FBLN5: variants seen among roughly 807,000 people sequenced by gnomAD.
FBLN5 encodes fibulin-5.
FBLN5 carries 24 observed loss-of-function variants against 61.6 expected under a neutral mutation model. The observed-to-expected ratio is 0.39, with a 90% CI of 0.28 to 0.55. The LOEUF is 0.55. FBLN5 is among the 20% of genes least tolerant of loss of function. FBLN5 has a pLI of 0.65. For missense variants in FBLN5, 470 were observed against 594.1 expected (o/e 0.79, Z 2.17); for synonymous variants, 213 against 219.8 (o/e 0.97, Z 0.27).
intron 1 of FBLN5, chr14:91,946,565 A>G (rs1373141960): frequency 1.5e-6 from 1 of 682,478 alleles, no homozygotes; most frequent in East Asian, 2.7e-5. Context: ...ACATACGCAC[A>G]CAAGGTTAAT....
intron 10 of FBLN5, 95 bp downstream of exon 10, chr14:91,877,392 C>T: frequency 9.8e-7 from 1 of 1,022,384 alleles, no homozygotes; most frequent in Non-Finnish European, 1.6e-6. Context: ...TGTCCCCCAG[C>T]CCCACTCTTA....
chr14:91,901,566 C>G (rs1035719325), intron 4 of FBLN5, among the ~76,000 whole-genome samples: 2 of 152,186 alleles, frequency 1.3e-5, no homozygotes, highest in East Asian at 3.9e-4. Flanking sequence ...AGTTTCAGGC[C>G]TGCTGCTGGG....
chr14:91,920,709 T>C (rs1157941857), intron 4 of FBLN5, among the ~76,000 whole-genome samples: 2 of 152,204 alleles, frequency 1.3e-5, no homozygotes, highest in East Asian at 3.9e-4. Context: ...TGTGGTGGTT[T>C]ATGCAGGAGT....
chr14:91,906,076 AG>A (rs1185129341), intron 4 of FBLN5, among the ~76,000 whole-genome samples: 2 of 152,048 alleles, frequency 1.3e-5, no homozygotes, highest in African/African-American at 2.4e-5. Context: ...CAGTAGAGAC[AG>A]GGTTTTGCCA....
intron 4 of FBLN5, among the ~76,000 whole-genome samples, chr14:91,910,825 A>C (rs1044579010): frequency 1.3e-5 from 2 of 152,028 alleles, no homozygotes; most frequent in African/African-American, 2.4e-5. Context: ...AGAGAAGGGG[A>C]GGCAGGGAAG....
At chr14:91,906,214 C>A (rs1258735100) in intron 4 of FBLN5, among the ~76,000 whole-genome samples, 1 of 152,188 alleles carries the variant, frequency 6.6e-6, no homozygotes, top group African/African-American at 2.4e-5. Flanking sequence ...ACAGACCAAC[C>A]CACTCTGCCA....
intron 7 of FBLN5, among the ~76,000 whole-genome samples, chr14:91,884,736 G>A (rs569710787): frequency 1.3e-5 from 2 of 152,228 alleles, no homozygotes; most frequent in Non-Finnish European, 2.9e-5. Context: ...CCTGAGGTTG[G>A]GGCAAGCACC....
intron 10 of FBLN5, among the ~76,000 whole-genome samples, chr14:91,873,326 A>G (rs919920904): frequency 6.6e-6 from 1 of 152,256 alleles, no homozygotes; most frequent in South Asian, 2.1e-4. Flanking sequence ...TCTGGCTACA[A>G]CCTTTCCTAC....
chr14:91,876,559 T>C (rs533869237), intron 10 of FBLN5, among the ~76,000 whole-genome samples: 2 of 152,202 alleles, frequency 1.3e-5, no homozygotes, highest in Admixed American at 1.3e-4. Context: ...GGTGTTAATA[T>C]AAGAAGGAGA....
intron 4 of FBLN5, among the ~76,000 whole-genome samples, chr14:91,929,958 G>A (rs2055896185): frequency 6.6e-6 from 1 of 152,180 alleles, no homozygotes; most frequent in African/African-American, 2.4e-5. Flanking sequence ...CTGTGTTTGT[G>A]TCTCCCTGGA....
At chr14:91,889,148 G>A (rs533655307) in intron 6 of FBLN5, among the ~76,000 whole-genome samples, 4 of 152,346 alleles carry the variant, frequency 2.6e-5, no homozygotes, top group East Asian at 1.9e-4. Flanking sequence ...ACCAGTGCCC[G>A]TGGGAGGTTG....
At chr14:91,936,343 C>A (rs889093328) in intron 4 of FBLN5, among the ~76,000 whole-genome samples, 2 of 152,196 alleles carry the variant, frequency 1.3e-5, no homozygotes, top group Non-Finnish European at 2.9e-5. Flanking sequence ...TTGGTCACAC[C>A]CCTTGCCAAT....
rs573958478 is a variant in FBLN5, at chr14:91,883,776, C to T, written c.740-700G>A. On this transcript the variant is annotated intron_variant, in intron 7 of 10. Coordinates refer to ENST00000342058, the MANE Select transcript of FBLN5 (RefSeq NM_006329.4). ...TTTTCTCTTTGTGGCTCGCCTACCTCGGATCCTCCCTGGGACAATGGAAGC... is the reference window on the plus strand; with the variant it reads ...TTTTCTCTTTGTGGCTCGCCTACCTTGGATCCTCCCTGGGACAATGGAAGC... Among the ~76,000 whole-genome samples, 15 of 152,204 alleles carry T rather than the reference C, an allele frequency of 9.9e-5. No individual in the cohort carries two copies. The East Asian group carries it at 2.5e-3, about 25-fold the overall frequency.
intron 10 of FBLN5, chr14:91,873,627 C>T (rs532425807): frequency 1.3e-5 from 2 of 152,452 alleles, no homozygotes; most frequent in African/African-American, 4.8e-5. Context: ...TGTTTCTCAA[C>T]GCTCAGTGCC....
At position 91,895,068 on chromosome 14, in the gene FBLN5, C is replaced by T. The variant is rs1890165400; in HGVS notation, c.384G>A (p.Val128=). Residue 128 remains valine (V), a synonymous_variant, in exon 5 of 11, where the codon GTG becomes GTA. Transcript: ENST00000342058. ...QMDESNQCVD[V]DECATDSHQC... ...GGTGGGAATCTGTTGCACACTCGTC[C>T]ACATCTGTAATACAGACATAGTCCA... 6.2e-7 allele frequency: 1 copy of T among 1,613,962 alleles called. No individual in the cohort carries two copies. The highest frequency in any genetic ancestry group is 1.3e-5 in the African/African-American group (1 of 74,908).
chr14:91,877,801 T>A (rs1322895491), intron 9 of FBLN5, 119 bp from the exon 10 acceptor site: 2 of 779,502 alleles, frequency 2.6e-6, no homozygotes, highest in East Asian at 2.6e-5. Flanking sequence ...CCAAATGCCA[T>A]AACTGTAGAA....
At chr14:91,915,686 CAAAA>C (rs34675184) in intron 4 of FBLN5, among the ~76,000 whole-genome samples, 9 of 43,736 alleles carry the variant, frequency 2.1e-4, no homozygotes, top group African/African-American at 6.0e-4. Context: ...GACTCCATCT[CAAAA>C]AAAAAAAAAA....
At chr14:91,922,023 G>A (rs1190421384) in intron 4 of FBLN5, among the ~76,000 whole-genome samples, 1 of 152,182 alleles carries the variant, frequency 6.6e-6, no homozygotes, top group Non-Finnish European at 1.5e-5. Context: ...TGAAGGGGCA[G>A]ACAGGCGCGG....
At chr14:91,946,283 A>T (rs1356709484) in intron 1 of FBLN5, among the ~76,000 whole-genome samples, 1 of 35,604 alleles carries the variant, frequency 2.8e-5, no homozygotes, top group Non-Finnish European at 5.6e-5. Context: ...CCTTGTGATT[A>T]AAAAAAAAAA....
Sources: gnomAD v4.1 joint callset for allele counts (sites outside exome capture counted in the v4.1 genomes callset) on GRCh38, gnomAD v4.1.1 for gene constraint, MANE v1.5 for transcripts, NCBI Gene and HGNC (gene_info 2026-07-23, HGNC 2026-07-21) for gene names.